The following RORA variants were observed in gnomAD, a reference collection of about 807,000 sequenced individuals.
RORA encodes RAR related orphan receptor A.
In RORA, 7 loss-of-function variants were observed where a neutral mutation model predicts 69.5. The observed-to-expected ratio is 0.10, with a 90% CI of 0.06 to 0.19. The LOEUF (loss-of-function observed/expected upper bound fraction) is 0.19. Ranked by LOEUF, RORA falls within the 10% of genes least tolerant of loss-of-function variation. The pLI is 1.00. For synonymous variants in RORA, 261 were observed against 240.8 expected (o/e 1.08, Z -0.78); for missense variants, 457 against 663.0 (o/e 0.69, Z 3.41).
chr15:60,659,485 T>A (rs996424043), intron 2 of RORA, among the ~76,000 whole-genome samples: 4 of 152,204 alleles, frequency 2.6e-5, no homozygotes, highest in African/African-American at 9.6e-5. Flanking sequence ...TGCTTGCACC[T>A]TTTCGCTACC....
intron 1 of RORA, among the ~76,000 whole-genome samples, chr15:60,709,258 A>G (rs760289513): frequency 3.3e-5 from 5 of 152,218 alleles, no homozygotes; most frequent in Non-Finnish European, 7.3e-5. Flanking sequence ...CTGAGTTTCT[A>G]CTATGTGCCT....
At chr15:61,104,993 G>GCCCCCCCCCCCCC (rs751911711) in intron 1 of RORA, among the ~76,000 whole-genome samples, 1 of 140,820 alleles carries the variant, frequency 7.1e-6, no homozygotes, top group African/African-American at 2.6e-5. Context: ...TGATCATGAG[G>GCCCCCCCCCCCCC]CGCCCCCCCC....
At chr15:60,522,138 T>A (rs2066188111) in intron 3 of RORA, among the ~76,000 whole-genome samples, 1 of 152,214 alleles carries the variant, frequency 6.6e-6, no homozygotes, top group Non-Finnish European at 1.5e-5. Context: ...AAATCTGTTA[T>A]TACACATTAA....
chr15:61,214,424 A>G (rs1322377633), intron 1 of RORA, among the ~76,000 whole-genome samples: 2 of 152,254 alleles, frequency 1.3e-5, no homozygotes, highest in African/African-American at 2.4e-5. Context: ...GGGAGTGAAC[A>G]GTGGCTTATG....
At chr15:61,227,210 C>CA (rs35827262) in intron 1 of RORA, among the ~76,000 whole-genome samples, 9,450 of 123,960 alleles carry the variant, frequency 0.076, 507 homozygotes, top group African/African-American at 0.16. Flanking sequence ...CCCCCCATTC[C>CA]AAAAAAAAAA....
At chr15:60,622,000 G>A (rs1010944409) in intron 2 of RORA, among the ~76,000 whole-genome samples, 7 of 152,012 alleles carry the variant, frequency 4.6e-5, no homozygotes, top group African/African-American at 1.7e-4. Flanking sequence ...GTGAGCCAAG[G>A]TTGCACCGTT....
chr15:60,782,077 T>A (rs534253973), intron 1 of RORA, among the ~76,000 whole-genome samples: 6 of 151,978 alleles, frequency 3.9e-5, no homozygotes, highest in Non-Finnish European at 8.8e-5. Flanking sequence ...ATACAGAAAT[T>A]AGTCAGGCGT....
intron 1 of RORA, among the ~76,000 whole-genome samples, chr15:61,119,171 A>T (rs529400366): frequency 2.6e-4 from 40 of 151,660 alleles, no homozygotes; most frequent in African/African-American, 8.2e-4. Context: ...CTTCCCAGAG[A>T]TATTTTCAGG....
At chr15:61,192,637 T>C (rs2079811209) in intron 1 of RORA, among the ~76,000 whole-genome samples, 1 of 152,234 alleles carries the variant, frequency 6.6e-6, no homozygotes. Context: ...TGAGTGAGTC[T>C]ATTGCTTTCC....
intron 1 of RORA, among the ~76,000 whole-genome samples, chr15:61,030,226 T>C (rs2140439186): frequency 1.3e-5 from 2 of 152,252 alleles, no homozygotes; most frequent in Middle Eastern, 3.4e-3. Flanking sequence ...CCTTTGGCTA[T>C]AAAGGACCTG....
At chr15:60,800,644 C>G (rs1002343349) in intron 1 of RORA, among the ~76,000 whole-genome samples, 1 of 152,178 alleles carries the variant, frequency 6.6e-6, no homozygotes, top group South Asian at 2.1e-4. Flanking sequence ...GAGAGACTTT[C>G]CCTGAGCCCG....
At chr15:61,223,405 T>C (rs1250488497) in intron 1 of RORA, among the ~76,000 whole-genome samples, 1 of 151,938 alleles carries the variant, frequency 6.6e-6, no homozygotes, top group Non-Finnish European at 1.5e-5. Flanking sequence ...GAAATATTCC[T>C]ATAAAGTAAA....
intron 1 of RORA, among the ~76,000 whole-genome samples, chr15:60,832,917 T>G (rs2073063182): frequency 6.6e-6 from 1 of 152,176 alleles, no homozygotes; most frequent in African/African-American, 2.4e-5. Context: ...TGTTCTTTTT[T>G]TTTTTGAGAC....
chr15:60,647,010 C>T (rs2070058116), intron 2 of RORA, among the ~76,000 whole-genome samples: 1 of 152,156 alleles, frequency 6.6e-6, no homozygotes. Context: ...TGTTTATGAC[C>T]TGGAAGAGGA....
chr15:61,081,577 G>A (rs1025295126), intron 1 of RORA, among the ~76,000 whole-genome samples: 16 of 152,244 alleles, frequency 1.1e-4, no homozygotes, highest in African/African-American at 2.6e-4. Flanking sequence ...GGAGGCCGAC[G>A]TGGGTGGATC....
intron 1 of RORA, among the ~76,000 whole-genome samples, chr15:60,868,457 G>C (rs939026954): frequency 2.0e-5 from 3 of 152,170 alleles, no homozygotes; most frequent in African/African-American, 7.2e-5. Flanking sequence ...TGCATTGAAA[G>C]CTGTTTTATT....
intron 1 of RORA, among the ~76,000 whole-genome samples, chr15:61,119,152 G>A: frequency 6.6e-6 from 1 of 151,738 alleles, no homozygotes; most frequent in East Asian, 1.9e-4. Context: ...TTATCCAGAG[G>A]GAGGACCGCT....
At chr15:61,158,979 C>T (rs991075069) in intron 1 of RORA, among the ~76,000 whole-genome samples, 6 of 152,288 alleles carry the variant, frequency 3.9e-5, no homozygotes, top group African/African-American at 1.4e-4. Context: ...GATCTTTTCT[C>T]AGATTCAATC....
At chr15:60,680,453 C>T (rs1210011702) in intron 1 of RORA, among the ~76,000 whole-genome samples, 2 of 151,970 alleles carry the variant, frequency 1.3e-5, no homozygotes, top group Admixed American at 6.6e-5. Flanking sequence ...CAAATATTTT[C>T]ATGACGATTA....
Sources: allele counts gnomAD v4.1 joint callset (sites outside exome capture counted in the v4.1 genomes callset), GRCh38; gene constraint gnomAD v4.1.1; transcripts MANE v1.5; gene names NCBI Gene and HGNC (gene_info 2026-07-23, HGNC 2026-07-21).